Variants in SRGAP3 observed in about 807,000 individuals in gnomAD.
The protein encoded by SRGAP3 is SLIT-ROBO Rho GTPase activating protein 3.
Under a neutral mutation model 121.1 loss-of-function variants are expected in SRGAP3, and 39 were observed. The ratio of observed to expected loss-of-function variants is 0.32; its 90% confidence interval spans 0.25 to 0.42. The LOEUF is 0.42. Among genes scored for constraint, SRGAP3 ranks in the 10% least tolerant of loss-of-function variants. The probability of loss-of-function intolerance (pLI) is 1.00; values close to 1 mark genes in which losing one functional copy is unlikely to be tolerated. For synonymous variants in SRGAP3, 601 were observed against 570.0 expected (o/e 1.05, Z -0.77); for missense variants, 1,213 against 1,470.6 (o/e 0.82, Z 2.86).
At chr3:9,043,445 T>G (rs1022385877) in intron 10 of SRGAP3, among the ~76,000 whole-genome samples, 2 of 152,134 alleles carry the variant, frequency 1.3e-5, no homozygotes, top group African/African-American at 4.8e-5. Context: ...CCTGCGCTCT[T>G]GGATAGATGG....
intron 4 of SRGAP3, among the ~76,000 whole-genome samples, chr3:9,078,067 G>T (rs1947055885): frequency 6.6e-6 from 1 of 152,182 alleles, no homozygotes; most frequent in African/African-American, 2.4e-5. Flanking sequence ...GAAGCCGAGA[G>T]GTAATAACAT....
intron 1 of SRGAP3, among the ~76,000 whole-genome samples, chr3:9,130,521 C>T (rs1433752981): frequency 6.6e-6 from 1 of 152,192 alleles, no homozygotes; most frequent in Non-Finnish European, 1.5e-5. Context: ...AGGAGGAAGT[C>T]GCTAGCCTGT....
Position 9,058,714 on chromosome 3 carries a change from CTTTTTTTTTTTTTT to C in SRGAP3, c.802-256_802-243del, listed in dbSNP as rs71049768. Reference sequence around the variant, plus strand: ...CTATATTCACCATCTTTCTCTCTCTCTTTTTTTTTTTTTTTTTTTTTTTGAGACGGAGTCTAGCT... The same window carrying C: ...CTATATTCACCATCTTTCTCTCTCTCTTTTTTTTTGAGACGGAGTCTAGCT... On this transcript the variant is annotated intron_variant, in intron 6 of 21. Transcript: ENST00000383836. 3.7e-5 allele frequency: 8 copies of C among 213,724 alleles called. No individual in the cohort carries two copies. In the East Asian group the frequency reaches 5.8e-4, roughly 15 times the overall value. The allele number at this position is 213,724 out of a possible 1,614,324, so 13.2% of individuals were successfully genotyped here. A position where few individuals can be genotyped will look rare whatever the true frequency, so the allele number is the denominator to read the frequency against.
intron 1 of SRGAP3, chr3:9,192,611 C>A (rs948556022): frequency 2.0e-5 from 3 of 152,248 alleles, no homozygotes; most frequent in African/African-American, 4.8e-5. Context: ...GGACTCCGAC[C>A]TATGCACCTT....
In SRGAP3 at chr3:8,994,454, T is replaced by C. The variant is rs150566537; in HGVS notation, c.2297A>G (p.Lys766Arg). Reference protein sequence around the residue: ...MGRSPRELSFKKGASLLLYHR... With the variant: ...MGRSPRELSFRKGASLLLYHR... ...GTACAGGAGCAGCGAGGCCCCCTTC[T>C]TGAAGGATAGCTCACGCGGGGACCG... The change falls in exon 19 of 22, where the codon AAG becomes AGG. Residue 766 changes from lysine (K) to arginine (R), a missense_variant. This residue lies in a region of SRGAP3 where 793 missense variants were observed against 1,032.9 expected (regional missense o/e 0.77). Coordinates refer to ENST00000383836, the MANE Select transcript of SRGAP3 (RefSeq NM_014850.4). 3.7e-6 allele frequency: 6 copies of C among 1,614,132 alleles called. No individual in the cohort carries two copies. The highest frequency in any genetic ancestry group is 3.3e-5 in the Admixed American group (2 of 60,010).
intron 14 of SRGAP3, among the ~76,000 whole-genome samples, chr3:9,024,821 C>T (rs577359257): frequency 6.6e-5 from 10 of 152,282 alleles, no homozygotes; most frequent in Non-Finnish European, 8.8e-5. Flanking sequence ...AATGTAGCAT[C>T]ATTTACAGAT....
At chr3:9,073,222 C>T (rs1946801133) in intron 4 of SRGAP3, among the ~76,000 whole-genome samples, 1 of 152,234 alleles carries the variant, frequency 6.6e-6, no homozygotes, top group Non-Finnish European at 1.5e-5. Flanking sequence ...CAGCTCACTG[C>T]AGTCTTCACC....
intron 1 of SRGAP3, among the ~76,000 whole-genome samples, chr3:9,343,057 A>G (rs1386068567): frequency 1.3e-5 from 2 of 152,144 alleles, no homozygotes; most frequent in East Asian, 1.9e-4. Context: ...CTCTTAGTAC[A>G]TCTCCCACAA....
chr3:9,160,553 A>T (rs1201249197), intron 1 of SRGAP3, among the ~76,000 whole-genome samples: 1 of 152,238 alleles, frequency 6.6e-6, no homozygotes, highest in Non-Finnish European at 1.5e-5. Flanking sequence ...AGCTGACTGC[A>T]GCACTAGCAA....
rs111577380 is a variant in SRGAP3, at chr3:9,339,852, G to C, written n.215-9256C>G. Among the ~76,000 whole-genome samples, 457 of 152,194 alleles carry C rather than the reference G, an allele frequency of 3.0e-3. 3 individuals carry two copies. The highest frequency in any genetic ancestry group is 0.01 in the African/African-American group (428 of 41,526). On this transcript the variant is annotated intron_variant and non_coding_transcript_variant, in intron 1 of 3. Transcript: ENST00000490889. ...ATGCAGGAAGGCTAATGGACCCTCA[G>C]GTAAAATCCTTATTTCACTCCAGCT... is the stretch of plus-strand genomic sequence containing the variant.
chr3:9,023,028 A>G lies in SRGAP3; in HGVS notation c.1678+2233T>C, dbSNP rs547619955. Among the ~76,000 whole-genome samples, 4 of 152,340 alleles carry G rather than the reference A, an allele frequency of 2.6e-5. No homozygotes were observed. In the East Asian group the frequency reaches 7.7e-4, roughly 29 times the overall value. On this transcript the variant is annotated intron_variant, in intron 14 of 21. Transcript: ENST00000383836. ...CTTAGAAAATCACATTCAAGAAGGTAAAAAGCAGTGCTACCAGAGTAGGGA... is the reference window on the plus strand; with the variant it reads ...CTTAGAAAATCACATTCAAGAAGGTGAAAAGCAGTGCTACCAGAGTAGGGA...
intron 3 of SRGAP3, among the ~76,000 whole-genome samples, chr3:9,089,432 C>T (rs1947650574): frequency 6.6e-6 from 1 of 151,812 alleles, no homozygotes; most frequent in Admixed American, 6.6e-5. Flanking sequence ...TTACTATAAT[C>T]TGCTTCCTTA....
intron 3 of SRGAP3, among the ~76,000 whole-genome samples, chr3:9,313,510 G>A (rs1438266801): frequency 2.0e-5 from 3 of 151,738 alleles, no homozygotes; most frequent in Non-Finnish European, 2.9e-5. Flanking sequence ...CCAACATAGC[G>A]AAACTCCATC....
intron 1 of SRGAP3, among the ~76,000 whole-genome samples, chr3:9,243,137 G>A (rs780698351): frequency 6.6e-6 from 1 of 152,182 alleles, no homozygotes; most frequent in Non-Finnish European, 1.5e-5. Context: ...ATAAGGTTTG[G>A]AACAGAGGGG....
chr3:9,137,438 C>T (rs1433895915), intron 1 of SRGAP3, among the ~76,000 whole-genome samples: 1 of 152,138 alleles, frequency 6.6e-6, no homozygotes, highest in African/African-American at 2.4e-5. Flanking sequence ...ATTCTCACCA[C>T]TACCAGCTCC....
rs984467524 is a variant in SRGAP3, at chr3:9,301,147, G to C, written n.442+24863C>G. 7.9e-5 allele frequency among the ~76,000 whole-genome samples: 12 copies of C among 152,194 alleles called. No individual in the cohort carries two copies. The East Asian group carries it at 2.3e-3, about 29-fold the overall frequency. ...TTTTTAACTTCCTACAGCCTCTTCCGGCCCTGACTTTCTGGGATTCTGCAT... is the reference window on the plus strand; with the variant it reads ...TTTTTAACTTCCTACAGCCTCTTCCCGCCCTGACTTTCTGGGATTCTGCAT... On this transcript the variant is annotated intron_variant and non_coding_transcript_variant, in intron 3 of 3. Transcript: ENST00000490889.
chr3:9,268,341 C>T (rs969505480), intron 3 of SRGAP3, among the ~76,000 whole-genome samples: 2 of 150,818 alleles, frequency 1.3e-5, no homozygotes, highest in African/African-American at 2.4e-5. Context: ...TCTCTCTTCC[C>T]CCCTCTCTCT....
chr3:9,050,311 T>C (rs564182194), intron 9 of SRGAP3, among the ~76,000 whole-genome samples: 2 of 152,278 alleles, frequency 1.3e-5, no homozygotes, highest in Admixed American at 1.3e-4. Flanking sequence ...TGATATTCTG[T>C]CCACCGTGTC....
At chr3:9,166,136 C>T (rs1438604219) in intron 1 of SRGAP3, among the ~76,000 whole-genome samples, 1 of 152,190 alleles carries the variant, frequency 6.6e-6, no homozygotes, top group Non-Finnish European at 1.5e-5. Context: ...TGTGAAGAAT[C>T]TCCATCTGCC....
Sources: allele counts gnomAD v4.1 joint callset (sites outside exome capture counted in the v4.1 genomes callset), GRCh38; gene constraint gnomAD v4.1.1; regional missense constraint gnomAD v4.1.1; transcripts MANE v1.5; gene names NCBI Gene and HGNC (gene_info 2026-07-23, HGNC 2026-07-21).